Variants in APBA2 observed in about 807,000 individuals in gnomAD.
The protein encoded by APBA2 is amyloid beta precursor protein binding family A member 2, also known as amyloid-beta A4 precursor protein-binding family A member 2.
Under a neutral mutation model 75.0 loss-of-function variants are expected in APBA2, and 30 were observed. The ratio of observed to expected loss-of-function variants is 0.40; its 90% CI spans 0.30 to 0.54. The LOEUF (loss-of-function observed/expected upper bound fraction) is 0.54. Ranked by LOEUF, APBA2 falls within the 20% of genes least tolerant of loss-of-function variation. The pLI is 0.49. For missense variants in APBA2, 801 were observed against 1,016.1 expected, an observed-to-expected ratio of 0.79 and a Z score of 2.88; for synonymous variants, 444 against 409.6, an observed-to-expected ratio of 1.08 and a Z score of -1.01.
chr15:28,888,092 T>C (rs2031878006), intron 1 of APBA2, among the ~76,000 whole-genome samples: 2 of 152,338 alleles, frequency 1.3e-5, no homozygotes, highest in South Asian at 2.1e-4. Context: ...ACTCAAGTTG[T>C]GGCCTGCTAG....
At chr15:29,098,004 G>A (rs139122368) in intron 8 of APBA2, among the ~76,000 whole-genome samples, 107 of 152,344 alleles carry the variant, frequency 7.0e-4, no homozygotes, top group African/African-American at 2.3e-3. Context: ...TGAAGGCTGA[G>A]TAGGCCTCCA....
intron 2 of APBA2, among the ~76,000 whole-genome samples, chr15:28,958,297 A>C (rs531571418): frequency 1.4e-4 from 21 of 152,342 alleles, no homozygotes; most frequent in African/African-American, 5.0e-4. Context: ...TTGGACTCAC[A>C]GTGGACTTTG....
intron 2 of APBA2, among the ~76,000 whole-genome samples, chr15:28,941,225 C>G (rs2035204000): frequency 6.6e-6 from 1 of 152,194 alleles, no homozygotes; most frequent in Non-Finnish European, 1.5e-5. Context: ...ACCTCTGTGT[C>G]TGAAGCGTCT....
At position 29,110,486 on chromosome 15, in the gene APBA2, C is replaced by T. The variant is rs2044669200; in HGVS notation, c.2037+2097C>T. On this transcript the variant is annotated intron_variant, in intron 13 of 14. Transcript: ENST00000683413. ...GACAGCCCTGTCGCTGTGAGCCCTG[C>T]AGGAGAGGCTGGCTTTCCCCACCAT... is the stretch of plus-strand genomic sequence containing the variant. Among the ~76,000 whole-genome samples, 4 of 152,342 alleles carry T rather than the reference C, an allele frequency of 2.6e-5. No individual in the cohort carries two copies. In the South Asian group the frequency reaches 8.3e-4, roughly 32 times the overall value.
rs2045294381 is a variant in APBA2, at chr15:29,117,771, C to CT, written c.*644dup. 1.3e-5 allele frequency: 2 copies of CT among 153,088 alleles called. No homozygotes were observed. Among genetic ancestry groups the CT allele is most frequent in the African/African-American group, 2.4e-5 (1 of 41,432 alleles). The allele number at this position is 153,088 out of a possible 1,614,324, so 9.5% of individuals were successfully genotyped here. On this transcript the variant is annotated 3_prime_UTR_variant, in exon 15 of 15. Transcript: ENST00000683413. ...CTGTTTGGACTTTTATTTTGGCAGG[C>CT]TTTTTTCCAGACTCTAGGGTTTTCC...
intron 12 of APBA2, among the ~76,000 whole-genome samples, chr15:29,107,498 G>C (rs1309496910): frequency 1.3e-5 from 2 of 152,180 alleles, no homozygotes; most frequent in Non-Finnish European, 2.9e-5. Flanking sequence ...TGGTGCTGGA[G>C]GAAGCGCCTT....
At chr15:28,947,046 G>A (rs547492548) in intron 2 of APBA2, among the ~76,000 whole-genome samples, 28 of 152,316 alleles carry the variant, frequency 1.8e-4, no homozygotes, top group Admixed American at 3.9e-4. Flanking sequence ...CTCCCATCAC[G>A]GGGCTCTCAT....
At chr15:28,924,671 G>A (rs1366148779) in intron 2 of APBA2, among the ~76,000 whole-genome samples, 2 of 152,190 alleles carry the variant, frequency 1.3e-5, no homozygotes, top group Admixed American at 6.5e-5. Context: ...TTTGATGGGC[G>A]TTTGGGTAGT....
intron 1 of APBA2, among the ~76,000 whole-genome samples, chr15:28,888,327 C>T (rs1485066409): frequency 1.3e-5 from 2 of 152,184 alleles, no homozygotes; most frequent in African/African-American, 4.8e-5. Context: ...CTTGATTTTT[C>T]CTAGACAAAA....
intron 3 of APBA2, among the ~76,000 whole-genome samples, chr15:29,017,304 C>T (rs961033670): frequency 6.6e-6 from 1 of 151,820 alleles, no homozygotes; most frequent in African/African-American, 2.4e-5. Flanking sequence ...TCCTCTCTTT[C>T]TGGAATTCCC....
chr15:29,082,763 T>C (rs2043136778), intron 6 of APBA2, among the ~76,000 whole-genome samples: 1 of 152,144 alleles, frequency 6.6e-6, no homozygotes, highest in South Asian at 2.1e-4. Flanking sequence ...AGATTATTTT[T>C]GAAAATAAAG....
At chr15:29,065,584 T>C (rs1467952220) in intron 4 of APBA2, among the ~76,000 whole-genome samples, 1 of 152,110 alleles carries the variant, frequency 6.6e-6, no homozygotes, top group Non-Finnish European at 1.5e-5. Flanking sequence ...AGAAAGGAGA[T>C]GTGGAATGGA....
intron 2 of APBA2, among the ~76,000 whole-genome samples, chr15:28,974,229 A>C (rs2037214345): frequency 6.6e-6 from 1 of 152,228 alleles, no homozygotes; most frequent in East Asian, 1.9e-4. Flanking sequence ...AAAAGCATTA[A>C]TGGAAACAAA....
At chr15:28,960,402 G>A (rs1462575586) in intron 2 of APBA2, among the ~76,000 whole-genome samples, 1 of 151,630 alleles carries the variant, frequency 6.6e-6, no homozygotes, top group Non-Finnish European at 1.5e-5. Flanking sequence ...GGTTGAGGCT[G>A]CAGTAAGCTA....
chr15:29,035,454 A>G (rs1447378228), intron 3 of APBA2, among the ~76,000 whole-genome samples: 1 of 152,086 alleles, frequency 6.6e-6, no homozygotes, highest in Admixed American at 6.6e-5. Flanking sequence ...GTTAAGTGAC[A>G]GTGGATGTGG....
chr15:29,092,876 T>G (rs1337799165), intron 6 of APBA2, among the ~76,000 whole-genome samples, 199 bp from the exon 7 acceptor site: 1 of 152,214 alleles, frequency 6.6e-6, no homozygotes, highest in African/African-American at 2.4e-5. Flanking sequence ...AGTGTTGATT[T>G]CGCGCAGTTA....
chr15:29,010,151 A>C (rs999543865), intron 3 of APBA2, among the ~76,000 whole-genome samples: 2 of 152,192 alleles, frequency 1.3e-5, no homozygotes, highest in African/African-American at 4.8e-5. Context: ...ACTGTTGAAT[A>C]TCTCTTTCGA....
chr15:29,065,616 G>GT (rs1196887840), intron 4 of APBA2, among the ~76,000 whole-genome samples: 1 of 152,202 alleles, frequency 6.6e-6, no homozygotes, highest in Non-Finnish European at 1.5e-5. Flanking sequence ...TGGGCTGATA[G>GT]AGGCCTCCAG....
intron 4 of APBA2, among the ~76,000 whole-genome samples, chr15:29,063,203 G>T (rs60927457): frequency 3.3e-4 from 37 of 112,946 alleles, no homozygotes; most frequent in Non-Finnish European, 3.9e-4. Context: ...GTATGGGTGG[G>T]GAGGGGAGTT....
Sources: allele counts gnomAD v4.1 joint callset (sites outside exome capture counted in the v4.1 genomes callset), GRCh38; gene constraint gnomAD v4.1.1; transcripts MANE v1.5; gene names NCBI Gene and HGNC (gene_info 2026-07-23, HGNC 2026-07-21).